The following TMEM117 variants were observed in gnomAD, a reference collection of about 807,000 sequenced individuals.
The protein encoded by TMEM117 is transmembrane protein 117.
Under a neutral mutation model 52.4 loss-of-function variants are expected in TMEM117, and 27 were observed. That is an observed-to-expected ratio of 0.51 (90% confidence interval 0.38 to 0.71). The LOEUF (loss-of-function observed/expected upper bound fraction) is 0.71. TMEM117 is among the 30% of genes least tolerant of loss of function. The pLI is 0.00. For synonymous variants in TMEM117, 215 were observed against 206.3 expected, an observed-to-expected ratio of 1.04 and a Z score of -0.36; for missense variants, 556 against 630.5, an observed-to-expected ratio of 0.88 and a Z score of 1.26.
At chr12:43,912,404 G>A (rs1379112316) in intron 2 of TMEM117, among the ~76,000 whole-genome samples, 1 of 151,438 alleles carries the variant, frequency 6.6e-6, no homozygotes, top group Non-Finnish European at 1.5e-5. Flanking sequence ...GCTAGATGAC[G>A]AGTTAGTGGG....
Position 44,140,843 on chromosome 12 carries a change from A to G in TMEM117, c.411-2682A>G, listed in dbSNP as rs147956598. ...AGTCCTCAATATAAGGAAGTTGCCA[A>G]ACCTCCCTAATGCTCTTTAGAGATT... On this transcript the variant is annotated intron_variant, in intron 3 of 7. Transcript: ENST00000266534. Among the ~76,000 whole-genome samples, 1,521 of 152,160 alleles carry G rather than the reference A, an allele frequency of 1.0e-2. 10 individuals carry two copies. Among genetic ancestry groups the G allele is most frequent in the African/African-American group, 0.016 (668 of 41,548 alleles).
intron 4 of TMEM117, among the ~76,000 whole-genome samples, chr12:44,181,486 G>A (rs1949198118): frequency 6.7e-6 from 1 of 150,322 alleles, no homozygotes; most frequent in African/African-American, 2.4e-5. Context: ...TATGGTTTTA[G>A]GTCTAACGTT....
intron 3 of TMEM117, chr12:44,010,135 C>A: frequency 3.9e-6 from 2 of 512,110 alleles, no homozygotes; most frequent in South Asian, 2.8e-5. Flanking sequence ...TCAGCTCTCT[C>A]ATCATTGTTT....
chr12:43,822,920 A>G, the TMEM117 span, among the ~76,000 whole-genome samples: 2 of 151,766 alleles, frequency 1.3e-5, no homozygotes, highest in Non-Finnish European at 2.9e-5. Context: ...AAAAAAGGGT[A>G]ATCTACTGAA....
At chr12:44,363,938 T>A (rs1016773823) in intron 6 of TMEM117, among the ~76,000 whole-genome samples, 1 of 152,142 alleles carries the variant, frequency 6.6e-6, no homozygotes, top group Non-Finnish European at 1.5e-5. Flanking sequence ...GGAACCTTCT[T>A]CAGAGAACTG....
intron 1 of TMEM117, among the ~76,000 whole-genome samples, chr12:43,839,903 T>C (rs1349722644): frequency 6.6e-6 from 1 of 152,246 alleles, no homozygotes; most frequent in Non-Finnish European, 1.5e-5. Context: ...CTATTTTCAG[T>C]AAAATACAGA....
At chr12:44,346,727 G>A (rs1040290528) in intron 6 of TMEM117, among the ~76,000 whole-genome samples, 4 of 152,038 alleles carry the variant, frequency 2.6e-5, no homozygotes, top group African/African-American at 9.7e-5. Flanking sequence ...ATTTGAGTCA[G>A]CAGAGTGATT....
rs540753308 is a variant in TMEM117 at position 44,085,549 on chromosome 12, A to C, written c.411-57976A>C. 1.4e-4 allele frequency among the ~76,000 whole-genome samples: 22 copies of C among 152,354 alleles called. No homozygotes were observed. In the South Asian group the frequency reaches 4.6e-3, roughly 32 times the overall value. On this transcript the variant is annotated intron_variant, in intron 3 of 7. Transcript: ENST00000266534. ...ACACATGCAAAAGCAGATCACCTTC[A>C]GCTCCCCTCTACAGGGGTTCAAGAG...
rs1415457848 is a variant in TMEM117, at chr12:44,388,432, A to G, written c.1305A>G (p.Lys435=). 3 of 1,613,270 alleles carry G rather than the reference A, an allele frequency of 1.9e-6. No individual in the cohort carries two copies. The African/African-American group carries it at 4.0e-5, about 22-fold the overall frequency. ...AAGACAAAACTTACACTCGCATGAA[A>G]AGAAAATCTCCATCAGAACATAGCA... ...ENQDKTYTRM[K]RKSPSEHSKD... is the part of the protein sequence containing the mutation. The change falls in exon 8 of 8, where the codon AAA becomes AAG. Residue 435 remains lysine (K), a synonymous_variant. Transcript: ENST00000266534.
chr12:43,819,950 T>C, the TMEM117 span, among the ~76,000 whole-genome samples: 7 of 152,202 alleles, frequency 4.6e-5, no homozygotes, highest in African/African-American at 1.7e-4. Flanking sequence ...TGGAAAGATC[T>C]AAGCTTATAT....
chr12:44,095,770 G>A (rs1947748722), intron 3 of TMEM117, among the ~76,000 whole-genome samples: 1 of 152,078 alleles, frequency 6.6e-6, no homozygotes. Flanking sequence ...ATACTGAATG[G>A]GCAAAAACTG....
intron 2 of TMEM117, among the ~76,000 whole-genome samples, chr12:43,923,070 T>C (rs578016236): frequency 6.6e-5 from 10 of 152,222 alleles, no homozygotes; most frequent in Admixed American, 4.6e-4. Context: ...CCAGGAGAGA[T>C]TTGGTCTCTA....
At chr12:44,243,680 A>G (rs1950092726) in intron 5 of TMEM117, among the ~76,000 whole-genome samples, 1 of 151,908 alleles carries the variant, frequency 6.6e-6, no homozygotes, top group Non-Finnish European at 1.5e-5. Context: ...ATACGTTATT[A>G]TTAACTATAG....
chr12:44,106,805 C>T (rs2138092825), intron 3 of TMEM117, among the ~76,000 whole-genome samples: 1 of 151,966 alleles, frequency 6.6e-6, no homozygotes, highest in South Asian at 2.1e-4. Flanking sequence ...AGATGAATTC[C>T]AATTACAGTG....
chr12:44,358,644 G>T (rs1254574424), intron 6 of TMEM117, among the ~76,000 whole-genome samples: 1 of 152,186 alleles, frequency 6.6e-6, no homozygotes, highest in African/African-American at 2.4e-5. Context: ...AGCCAGGGAA[G>T]GGGGAGAGAA....
chr12:43,973,014 A>G (rs1945616446), intron 3 of TMEM117, among the ~76,000 whole-genome samples: 1 of 152,216 alleles, frequency 6.6e-6, no homozygotes, highest in Non-Finnish European at 1.5e-5. Flanking sequence ...GTTGTTACAT[A>G]TCAAAGCTCT....
chr12:44,162,682 T>A (rs1186551676), intron 4 of TMEM117, among the ~76,000 whole-genome samples: 1 of 152,202 alleles, frequency 6.6e-6, no homozygotes, highest in East Asian at 1.9e-4. Flanking sequence ...GTAATAGTTA[T>A]GAGACTGAAT....
chr12:44,253,250 G>T (rs964496624), intron 5 of TMEM117, among the ~76,000 whole-genome samples: 1 of 152,134 alleles, frequency 6.6e-6, no homozygotes. Context: ...TAAATTATAT[G>T]ATCAAAAATT....
chr12:43,980,258 C>T lies in TMEM117; in HGVS notation c.410+35916C>T, dbSNP rs191438425. 1.1e-4 allele frequency among the ~76,000 whole-genome samples: 17 copies of T among 152,276 alleles called. No homozygotes were observed. In the East Asian group the frequency reaches 2.7e-3, roughly 24 times the overall value. On this transcript the variant is annotated intron_variant, in intron 3 of 7. Coordinates refer to ENST00000266534, the MANE Select transcript of TMEM117 (RefSeq NM_032256.3). ...GTTCTTCCTCCCTTTCCCATTTAGG[C>T]TCTTCTGTGTGGAGTGGGATCAAAG...
Sources: gnomAD v4.1 joint callset for allele counts (sites outside exome capture counted in the v4.1 genomes callset) on GRCh38, gnomAD v4.1.1 for gene constraint, MANE v1.5 for transcripts, NCBI Gene and HGNC (gene_info 2026-07-23, HGNC 2026-07-21) for gene names.